TRAF3: variants seen among roughly 807,000 people sequenced by gnomAD.
TRAF3 encodes TNF receptor-associated factor 3.
Under a neutral mutation model 62.3 loss-of-function variants are expected in TRAF3, and 13 were observed. The ratio of observed to expected loss-of-function variants is 0.21; its 90% CI spans 0.14 to 0.33. The LOEUF is 0.33. Ranked by LOEUF, TRAF3 falls within the 10% of genes least tolerant of loss-of-function variation. TRAF3 has a pLI of 1.00. For synonymous variants in TRAF3, 269 were observed against 283.4 expected (o/e 0.95, Z 0.51); for missense variants, 440 against 741.8 (o/e 0.59, Z 4.73).
Position 102,804,136 on chromosome 14 carries a change from G to A in TRAF3, c.-156-26198G>A, listed in dbSNP as rs146764692. Among the ~76,000 whole-genome samples the A allele has an allele frequency of 3.9e-5, 6 of 152,070 alleles. No individual in the cohort carries two copies. The East Asian group carries it at 1.2e-3, about 29-fold the overall frequency. On this transcript the variant is annotated intron_variant, in intron 1 of 11. Transcript: ENST00000392745. ...GCCCAGGAGGTCCATACTGCAGTGA[G>A]CCATGATTGGGCCACTGCATTCTAG...
chr14:102,891,474 A>G, intron 9 of TRAF3, 57 bp downstream of exon 9: 2 of 1,542,730 alleles, frequency 1.3e-6, no homozygotes, highest in South Asian at 1.2e-5. Flanking sequence ...CAGATTATTT[A>G]AAGACAAAAC....
At chr14:102,800,893 T>A (rs1201486011) in intron 1 of TRAF3, among the ~76,000 whole-genome samples, 1 of 151,934 alleles carries the variant, frequency 6.6e-6, no homozygotes, top group African/African-American at 2.4e-5. Flanking sequence ...AAAGAAAGGG[T>A]TCTGGCCGGG....
intron 2 of TRAF3, among the ~76,000 whole-genome samples, chr14:102,844,821 G>A (rs1204738037): frequency 6.6e-6 from 1 of 151,788 alleles, no homozygotes; most frequent in Non-Finnish European, 1.5e-5. Context: ...CGGGAGGGTT[G>A]CTTGAGGCCA....
Position 102,908,792 on chromosome 14 carries a change from C to G in TRAF3, c.*3008C>G, listed in dbSNP as rs1890716668. 6.6e-6 allele frequency: 1 copy of G among 152,356 alleles called. No homozygotes were observed. The highest frequency in any genetic ancestry group is 1.5e-5 in the Non-Finnish European group (1 of 68,114). The allele number at this position is 152,356 out of a possible 1,614,324, so 9.4% of individuals were successfully genotyped here. A position where few individuals can be genotyped will look rare whatever the true frequency, so the allele number is the denominator to read the frequency against. ...CCTTCGTAACAAAACAACGTCCCCTCTCCCCTCGCCTCGAGCAGTTTCTTC... is the reference window on the plus strand; with the variant it reads ...CCTTCGTAACAAAACAACGTCCCCTGTCCCCTCGCCTCGAGCAGTTTCTTC... On this transcript the variant is annotated 3_prime_UTR_variant, in exon 12 of 12. Coordinates refer to ENST00000392745, the MANE Select transcript of TRAF3 (RefSeq NM_145725.3).
At chr14:102,899,727 G>C (rs935911328) in intron 10 of TRAF3, among the ~76,000 whole-genome samples, 1 of 152,174 alleles carries the variant, frequency 6.6e-6, no homozygotes, top group Non-Finnish European at 1.5e-5. Context: ...GTGATGGCGG[G>C]AGTCGAAGCA....
intron 1 of TRAF3, among the ~76,000 whole-genome samples, chr14:102,803,844 C>A (rs1898598773): frequency 6.6e-6 from 1 of 152,120 alleles, no homozygotes; most frequent in Non-Finnish European, 1.5e-5. Flanking sequence ...GCTGCATGTA[C>A]CATAAAAACA....
intron 3 of TRAF3, 61 bp downstream of exon 3, chr14:102,870,507 C>A (rs1662193710): frequency 6.3e-7 from 1 of 1,593,928 alleles, no homozygotes; most frequent in Non-Finnish European, 8.5e-7. Context: ...TCACCCTCTC[C>A]TTCATTCGTT....
At chr14:102,883,142 G>C (rs994349630) in intron 6 of TRAF3, among the ~76,000 whole-genome samples, 1 of 152,198 alleles carries the variant, frequency 6.6e-6, no homozygotes, top group Non-Finnish European at 1.5e-5. Context: ...AATGTGGCCA[G>C]GTGTGACCAG....
intron 2 of TRAF3, among the ~76,000 whole-genome samples, chr14:102,852,800 A>G (rs1236857564): frequency 6.6e-6 from 1 of 152,118 alleles, no homozygotes; most frequent in African/African-American, 2.4e-5. Context: ...TCCTGGGCTT[A>G]AGCAGTTCTC....
chr14:102,843,678 C>T (rs1886518448), intron 2 of TRAF3, among the ~76,000 whole-genome samples: 1 of 152,170 alleles, frequency 6.6e-6, no homozygotes, highest in Non-Finnish European at 1.5e-5. Flanking sequence ...CATGGTGTCT[C>T]ACACCTGTAA....
intron 1 of TRAF3, among the ~76,000 whole-genome samples, chr14:102,796,542 G>T (rs1898097247): frequency 6.6e-6 from 1 of 152,230 alleles, no homozygotes; most frequent in Non-Finnish European, 1.5e-5. Context: ...GGGATGGGGG[G>T]TGGACAGCCT....
At chr14:102,883,895 G>A (rs1014473866) in intron 6 of TRAF3, among the ~76,000 whole-genome samples, 2 of 152,138 alleles carry the variant, frequency 1.3e-5, no homozygotes, top group Admixed American at 6.5e-5. Flanking sequence ...TCACACATGT[G>A]TGCACATATA....
chr14:102,777,806 C>A (rs1897082132), intron 1 of TRAF3, 131 bp downstream of exon 1: 1 of 145,032 alleles, frequency 6.9e-6, no homozygotes, highest in African/African-American at 2.5e-5. Context: ...CCCGGCGCGG[C>A]GCAGGCCCGG....
chr14:102,778,829 G>T (rs1231542805), intron 1 of TRAF3, among the ~76,000 whole-genome samples: 2 of 152,140 alleles, frequency 1.3e-5, no homozygotes, highest in African/African-American at 4.8e-5. Flanking sequence ...TGGCCAAGTG[G>T]ACCATCAGTT....
chr14:102,803,768 A>G (rs556728423), intron 1 of TRAF3, among the ~76,000 whole-genome samples: 19 of 152,268 alleles, frequency 1.2e-4, no homozygotes, highest in South Asian at 6.2e-4. Flanking sequence ...GCTCGCTTAC[A>G]GAATTCTGTA....
chr14:102,898,604 G>T (rs1323977411), intron 10 of TRAF3, among the ~76,000 whole-genome samples: 2 of 152,164 alleles, frequency 1.3e-5, no homozygotes, highest in Admixed American at 6.5e-5. Context: ...GAAAGGCCGG[G>T]GAAATCACCT....
At chr14:102,822,041 C>CAAATA (rs1485149795) in intron 1 of TRAF3, among the ~76,000 whole-genome samples, 1 of 151,908 alleles carries the variant, frequency 6.6e-6, no homozygotes, top group African/African-American at 2.4e-5. Flanking sequence ...GACTCCATCT[C>CAAATA]AAATAAAATA....
intron 1 of TRAF3, among the ~76,000 whole-genome samples, chr14:102,820,376 G>T (rs1017360501): frequency 2.0e-5 from 3 of 151,742 alleles, no homozygotes; most frequent in Admixed American, 2.0e-4. Context: ...GGGTGCCGGG[G>T]CCCCCTCTCT....
chr14:102,838,882 C>T (rs376157666), intron 2 of TRAF3, among the ~76,000 whole-genome samples: 1 of 152,086 alleles, frequency 6.6e-6, no homozygotes, highest in Non-Finnish European at 1.5e-5. Flanking sequence ...TGATAATTAC[C>T]CCCTTAAATT....
Sources: gnomAD v4.1 joint callset for allele counts (sites outside exome capture counted in the v4.1 genomes callset) on GRCh38, gnomAD v4.1.1 for gene constraint, MANE v1.5 for transcripts, NCBI Gene and HGNC (gene_info 2026-07-23, HGNC 2026-07-21) for gene names.